The following HIPK2 variants were observed in gnomAD, a reference collection of about 807,000 sequenced individuals.
The protein encoded by HIPK2 is homeodomain interacting protein kinase 2, also known as homeodomain-interacting protein kinase 2.
Under a neutral mutation model 113.7 loss-of-function variants are expected in HIPK2, and 27 were observed. That is an observed-to-expected ratio of 0.24 (90% CI 0.17 to 0.33). The LOEUF (loss-of-function observed/expected upper bound fraction) is 0.33. HIPK2 is among the 10% of genes least tolerant of loss of function. HIPK2 has a pLI of 1.00. For synonymous variants in HIPK2, 631 were observed against 642.2 expected (o/e 0.98, Z 0.26); for missense variants, 1,257 against 1,588.0 (o/e 0.79, Z 3.54).
intron 1 of HIPK2, among the ~76,000 whole-genome samples, chr7:139,723,581 A>G (rs1002985514): frequency 6.6e-6 from 1 of 152,158 alleles, no homozygotes; most frequent in African/African-American, 2.4e-5. Context: ...TAGTTTCTTC[A>G]TAACTTTATA....
At chr7:139,696,399 C>T (rs1794567835) in intron 2 of HIPK2, among the ~76,000 whole-genome samples, 1 of 151,502 alleles carries the variant, frequency 6.6e-6, no homozygotes, top group Non-Finnish European at 1.5e-5. Context: ...ATAGTGAGAC[C>T]CCCCGCCACC....
At chr7:139,601,673 AATTTG>A (rs1490209419) in intron 10 of HIPK2, among the ~76,000 whole-genome samples, 5 of 152,176 alleles carry the variant, frequency 3.3e-5, no homozygotes, top group African/African-American at 1.2e-4. Context: ...CAATTCTTAT[AATTTG>A]GGTTGTATGA....
chr7:139,666,093 A>G (rs996003400), intron 2 of HIPK2, among the ~76,000 whole-genome samples: 3 of 152,176 alleles, frequency 2.0e-5, no homozygotes, highest in Admixed American at 6.5e-5. Flanking sequence ...ACCCAATCAA[A>G]GACACACAAG....
Position 139,631,823 on chromosome 7 carries a change from A to C in HIPK2, c.1104-98T>G. On this transcript the variant is annotated intron_variant, in intron 2 of 14. Transcript: ENST00000406875. This position sits in a 1 kb window ranked among gnomAD's most constrained non-coding sequence, Gnocchi z 4.9. ...TTTCAAACCTGGGGTGCCATTACTG[A>C]CTCCTCCTCTGAAGGGCCTGTGGCT... is the stretch of plus-strand genomic sequence containing the variant. 1 of 1,411,364 alleles carries C rather than the reference A, an allele frequency of 7.1e-7. No individual in the cohort carries two copies. Among genetic ancestry groups the C allele is most frequent in the Non-Finnish European group, 9.5e-7 (1 of 1,058,018 alleles). The allele number at this position is 1,411,364 out of a possible 1,614,324, so 87.4% of individuals were successfully genotyped here.
intron 2 of HIPK2, among the ~76,000 whole-genome samples, chr7:139,660,390 G>C (rs1465290326): frequency 6.6e-6 from 1 of 152,124 alleles, no homozygotes; most frequent in Non-Finnish European, 1.5e-5. Flanking sequence ...TATACCACAG[G>C]ACATTTGCTT....
intron 9 of HIPK2, 138 bp from the exon 10 acceptor site, chr7:139,604,361 C>T: frequency 2.4e-6 from 3 of 1,254,548 alleles, no homozygotes; most frequent in Non-Finnish European, 3.3e-6. Flanking sequence ...TCTCTGGCCT[C>T]AAAAACTAAA....
chr7:139,686,692 T>C (rs1043731471), intron 2 of HIPK2, among the ~76,000 whole-genome samples: 1 of 152,256 alleles, frequency 6.6e-6, no homozygotes. Context: ...TGTGAAACTG[T>C]GAGTCAATTA....
At chr7:139,673,300 A>AG (rs1802370692) in intron 2 of HIPK2, among the ~76,000 whole-genome samples, 1 of 152,108 alleles carries the variant, frequency 6.6e-6, no homozygotes, top group South Asian at 2.1e-4. Flanking sequence ...ACACATAATG[A>AG]GAGTAGGGGC....
At chr7:139,705,430 G>A (rs1301624733) in intron 2 of HIPK2, among the ~76,000 whole-genome samples, 1 of 151,850 alleles carries the variant, frequency 6.6e-6, no homozygotes, top group Non-Finnish European at 1.5e-5. Flanking sequence ...AGGCTGGAGT[G>A]CAGTGGCGCA....
chr7:139,654,775 G>A (rs549562193), intron 2 of HIPK2, among the ~76,000 whole-genome samples: 1 of 152,236 alleles, frequency 6.6e-6, no homozygotes, highest in African/African-American at 2.4e-5. Flanking sequence ...TTAAGAAGAG[G>A]CCTGTTCATT....
At chr7:139,666,679 C>T (rs1802058988) in intron 2 of HIPK2, among the ~76,000 whole-genome samples, 1 of 152,170 alleles carries the variant, frequency 6.6e-6, no homozygotes, top group Admixed American at 6.5e-5. Flanking sequence ...CTGATGCCTT[C>T]TAGTCCTCCA....
chr7:139,598,021 A>G (rs988956859), intron 11 of HIPK2, among the ~76,000 whole-genome samples: 4 of 152,244 alleles, frequency 2.6e-5, no homozygotes, highest in Non-Finnish European at 4.4e-5. Context: ...CCTTATACAC[A>G]TAGCCTGAGG....
intron 2 of HIPK2, among the ~76,000 whole-genome samples, chr7:139,704,114 C>T (rs1250602225): frequency 7.3e-6 from 1 of 137,336 alleles, no homozygotes; most frequent in East Asian, 2.4e-4. Flanking sequence ...ACACACCCAA[C>T]ACACACCACA....
intron 1 of HIPK2, among the ~76,000 whole-genome samples, chr7:139,760,712 C>A (rs1796448419): frequency 6.6e-6 from 1 of 152,178 alleles, no homozygotes; most frequent in African/African-American, 2.4e-5. Context: ...TAAAACTAAA[C>A]TGGACATGTC....
intron 1 of HIPK2, among the ~76,000 whole-genome samples, chr7:139,736,649 A>G (rs1795946921): frequency 2.0e-5 from 3 of 152,172 alleles, no homozygotes; most frequent in African/African-American, 7.2e-5. Flanking sequence ...AGCTGGGAGG[A>G]TGCTATCGAA....
At chr7:139,596,690 T>TG in intron 12 of HIPK2, 27 bp downstream of exon 12, 1 of 1,602,442 alleles carries the variant, frequency 6.2e-7, no homozygotes, top group Non-Finnish European at 8.5e-7. Context: ...GGCTCCTTCC[T>TG]GGAAGGCTAA....
chr7:139,748,757 G>A (rs952401414), intron 1 of HIPK2, among the ~76,000 whole-genome samples: 1 of 152,048 alleles, frequency 6.6e-6, no homozygotes, highest in Admixed American at 6.6e-5. Flanking sequence ...TGGGGGTTAG[G>A]ACTTCAACAT....
intron 2 of HIPK2, among the ~76,000 whole-genome samples, chr7:139,710,979 G>A (rs931864672): frequency 1.1e-4 from 16 of 149,930 alleles, no homozygotes; most frequent in Admixed American, 5.3e-4. Context: ...TATACACCCC[G>A]CAGAACTGTG....
At chr7:139,580,082 C>T (rs1239889783) in intron 13 of HIPK2, among the ~76,000 whole-genome samples, 1 of 152,156 alleles carries the variant, frequency 6.6e-6, no homozygotes, top group South Asian at 2.1e-4. Context: ...CAAACATTGG[C>T]TCTGCAGAGC....
Sources: gnomAD v4.1 joint callset for allele counts (sites outside exome capture counted in the v4.1 genomes callset) on GRCh38, gnomAD v4.1.1 for gene constraint, Gnocchi (gnomAD v3.1) non-coding constraint, MANE v1.5 for transcripts, NCBI Gene and HGNC (gene_info 2026-07-23, HGNC 2026-07-21) for gene names.